The following PPP2R5A variants were observed in gnomAD, a reference collection of about 807,000 sequenced individuals.
The protein encoded by PPP2R5A is serine/threonine-protein phosphatase 2A 56 kDa regulatory subunit alpha isoform.
In PPP2R5A, 25 loss-of-function variants were observed where a neutral mutation model predicts 64.2. That is an observed-to-expected ratio of 0.39 (90% CI 0.28 to 0.54). PPP2R5A has a LOEUF of 0.54. PPP2R5A is among the 20% of genes least tolerant of loss of function. The pLI is 0.67. For missense variants in PPP2R5A, 425 were observed against 576.3 expected, an observed-to-expected ratio of 0.74 and a Z score of 2.69; for synonymous variants, 198 against 201.2, an observed-to-expected ratio of 0.98 and a Z score of 0.13.
At chr1:212,330,703 A>G (rs1237590253) in intron 2 of PPP2R5A, among the ~76,000 whole-genome samples, 1 of 152,182 alleles carries the variant, frequency 6.6e-6, no homozygotes, top group Non-Finnish European at 1.5e-5. Flanking sequence ...TTGGGGAAGA[A>G]CCAAATGTGT....
intron 9 of PPP2R5A, 21 bp from the exon 10 acceptor site, chr1:212,356,929 A>G (rs1659987362): frequency 6.7e-7 from 1 of 1,491,054 alleles, no homozygotes; most frequent in African/African-American, 1.4e-5. Flanking sequence ...TGTTTCTTAA[A>G]ATAAAATTTT....
intron 1 of PPP2R5A, among the ~76,000 whole-genome samples, chr1:212,320,578 A>AC (rs375160494): frequency 0.11 from 15,352 of 134,112 alleles, 2,079 homozygotes; most frequent in African/African-American, 0.35. Context: ...CGGGGGGCTG[A>AC]CCCCCCCGCC....
At chr1:212,347,544 T>C in intron 6 of PPP2R5A, 138 bp downstream of exon 6, 6 of 368,660 alleles carry the variant, frequency 1.6e-5, no homozygotes, top group African/African-American at 2.9e-5. Flanking sequence ...ACTGAAGTCT[T>C]TTTTTTTTTT....
chr1:212,303,127 A>G (rs1458893299), intron 1 of PPP2R5A, among the ~76,000 whole-genome samples: 1 of 152,196 alleles, frequency 6.6e-6, no homozygotes, highest in Non-Finnish European at 1.5e-5. Flanking sequence ...CTGCTCGGTC[A>G]TAAGGTAATT....
In PPP2R5A at chr1:212,359,807, A is replaced by C. The variant is rs1256228962; in HGVS notation, c.1329-831A>C. 2.0e-5 allele frequency among the ~76,000 whole-genome samples: 3 copies of C among 152,208 alleles called. No homozygotes were observed. In the East Asian group the frequency reaches 5.8e-4, roughly 29 times the overall value. ...AGCATTCAGGCAGGAATAGAAATTA[A>C]GTACATGTTTTGAGCCTCAGGAAGC... On this transcript the variant is annotated intron_variant, in intron 12 of 12. Transcript: ENST00000261461.
chr1:212,291,477 A>G (rs1658600882), intron 1 of PPP2R5A, among the ~76,000 whole-genome samples: 1 of 152,210 alleles, frequency 6.6e-6, no homozygotes, highest in African/African-American at 2.4e-5. Flanking sequence ...CTAAGGTAAA[A>G]TCCACTTACA....
At chr1:212,302,928 ATTCC>A (rs1658825259) in intron 1 of PPP2R5A, among the ~76,000 whole-genome samples, 1 of 152,092 alleles carries the variant, frequency 6.6e-6, no homozygotes, top group Admixed American at 6.5e-5. Context: ...TTAGTACTTC[ATTCC>A]TTTTTATGGC....
chr1:212,330,324 T>C (rs1471172371), intron 2 of PPP2R5A, among the ~76,000 whole-genome samples: 1 of 150,938 alleles, frequency 6.6e-6, no homozygotes, highest in African/African-American at 2.4e-5. Context: ...AGGCCAAGAG[T>C]TCAAGACCAG....
intron 8 of PPP2R5A, among the ~76,000 whole-genome samples, chr1:212,356,162 T>G (rs928259133): frequency 2.0e-5 from 3 of 151,232 alleles, no homozygotes; most frequent in African/African-American, 7.3e-5. Flanking sequence ...CTGTCCAGGG[T>G]TTTTTTTTGT....
rs1484018322 is a variant in PPP2R5A at position 212,304,363 on chromosome 1, C to CA, written c.181+18074dup. Reference sequence around the variant, plus strand: ...GTTGGGAGTTCAAGACTAGCCTGACCAACGTGGAGAAACCCCGTCTCTTCT... The same window carrying CA: ...GTTGGGAGTTCAAGACTAGCCTGACCAAACGTGGAGAAACCCCGTCTCTTCT... On this transcript the variant is annotated intron_variant, in intron 1 of 12. Transcript: ENST00000261461. Among the ~76,000 whole-genome samples the CA allele has an allele frequency of 2.6e-5, 4 of 152,128 alleles. No individual in the cohort carries two copies. The East Asian group carries it at 7.7e-4, about 29-fold the overall frequency.
chr1:212,311,850 T>C (rs1336464159), intron 1 of PPP2R5A, among the ~76,000 whole-genome samples: 1 of 152,240 alleles, frequency 6.6e-6, no homozygotes, highest in Admixed American at 6.5e-5. Flanking sequence ...GCTATGTTAT[T>C]GCAAAAGAGT....
At chr1:212,294,593 G>C (rs1493601) in intron 1 of PPP2R5A, among the ~76,000 whole-genome samples, 1 of 151,980 alleles carries the variant, frequency 6.6e-6, no homozygotes, top group Non-Finnish European at 1.5e-5. Context: ...CCTTTCTTTG[G>C]TTTTCCATAG....
At chr1:212,349,297 T>C in intron 8 of PPP2R5A, 55 bp downstream of exon 8, 1 of 1,367,222 alleles carries the variant, frequency 7.3e-7, no homozygotes. Flanking sequence ...CATTTCATTG[T>C]AGCTTTCGTT....
At chr1:212,303,662 G>A (rs1658841066) in intron 1 of PPP2R5A, among the ~76,000 whole-genome samples, 1 of 151,866 alleles carries the variant, frequency 6.6e-6, no homozygotes, top group African/African-American at 2.4e-5. Flanking sequence ...TAAGAATTTT[G>A]TAATTTTAAC....
intron 1 of PPP2R5A, among the ~76,000 whole-genome samples, chr1:212,326,693 GC>G (rs1267587305): frequency 1.3e-5 from 2 of 152,168 alleles, no homozygotes; most frequent in African/African-American, 4.8e-5. Context: ...CCAATCTTAG[GC>G]TTATAGACTT....
At chr1:212,344,447 T>A (rs1659738625) in intron 4 of PPP2R5A, among the ~76,000 whole-genome samples, 1 of 152,226 alleles carries the variant, frequency 6.6e-6, no homozygotes, top group Non-Finnish European at 1.5e-5. Context: ...ATGATTTAAG[T>A]CATCCACTCT....
chr1:212,341,424 CT>C (rs962156229), intron 3 of PPP2R5A, among the ~76,000 whole-genome samples: 48 of 152,076 alleles, frequency 3.2e-4, no homozygotes, highest in Non-Finnish European at 6.0e-4. Context: ...CTTTTCCTTT[CT>C]TTTTAAAAAT....
intron 8 of PPP2R5A, among the ~76,000 whole-genome samples, chr1:212,350,323 G>GA (rs903049513): frequency 6.6e-6 from 1 of 152,176 alleles, no homozygotes; most frequent in African/African-American, 2.4e-5. Flanking sequence ...AGGAGAATTA[G>GA]AAACCATATA....
In PPP2R5A at chr1:212,361,836, A is replaced by G. The variant is rs902867474; in HGVS notation, c.*1066A>G. 1 of 152,672 alleles carries G rather than the reference A, an allele frequency of 6.5e-6. No homozygotes were observed. Among genetic ancestry groups the G allele is most frequent in the Non-Finnish European group, 1.5e-5 (1 of 68,050 alleles). The allele number at this position is 152,672 out of a possible 1,614,324, so 9.5% of individuals were successfully genotyped here. A position where few individuals can be genotyped will look rare whatever the true frequency, so the allele number is the denominator to read the frequency against. ...TCATTGGGGGATTGAGCAGCATTTA[A>G]TAAAGTCTATGTTTGTATTTTGCCT... On this transcript the variant is annotated 3_prime_UTR_variant, in exon 13 of 13. Transcript: ENST00000261461.
Sources: allele counts gnomAD v4.1 joint callset (sites outside exome capture counted in the v4.1 genomes callset), GRCh38; gene constraint gnomAD v4.1.1; transcripts MANE v1.5; gene names NCBI Gene and HGNC (gene_info 2026-07-23, HGNC 2026-07-21).